Variants in FRYL observed in about 807,000 individuals in gnomAD.
FRYL encodes protein furry homolog-like.
FRYL carries 150 observed loss-of-function variants against 351.2 expected under a neutral mutation model. The observed-to-expected ratio is 0.43, with a 90% CI of 0.37 to 0.49. The LOEUF (loss-of-function observed/expected upper bound fraction) is 0.49. FRYL is among the 20% of genes least tolerant of loss of function. FRYL has a pLI of 0.00. For synonymous variants in FRYL, 1,153 were observed against 1,257.1 expected (o/e 0.92, Z 1.75); for missense variants, 3,036 against 3,619.3 (o/e 0.84, Z 4.13).
intron 63 of FRYL, 121 bp downstream of exon 63, chr4:48,499,909 A>C: frequency 1.2e-6 from 1 of 814,646 alleles, no homozygotes; most frequent in Non-Finnish European, 1.9e-6. Flanking sequence ...TGTTAAAAAT[A>C]CTCATGTTTT....
chr4:48,691,218 T>C (rs1327063802), intron 2 of FRYL, among the ~76,000 whole-genome samples: 1 of 152,204 alleles, frequency 6.6e-6, no homozygotes, highest in Non-Finnish European at 1.5e-5. Context: ...GTAACTCCAT[T>C]TCTAAGAGCT....
At chr4:48,734,406 T>C (rs1462538495) in intron 1 of FRYL, among the ~76,000 whole-genome samples, 4 of 152,178 alleles carry the variant, frequency 2.6e-5, no homozygotes, top group South Asian at 4.1e-4. Context: ...TCAAAATGTG[T>C]GAGTGAAAAA....
At position 48,561,600 on chromosome 4, in the gene FRYL, A is replaced by G; in HGVS notation, c.3733T>C (p.Leu1245=). 2 of 1,611,548 alleles carry G rather than the reference A, an allele frequency of 1.2e-6. No individual in the cohort carries two copies. Among genetic ancestry groups the G allele is most frequent in the Non-Finnish European group, 1.7e-6 (2 of 1,178,416 alleles). ...ACTCCATCTGTTCTCTGAACCTCCA[A>G]TTTGTGAGCATAGCGAAACATCTTC... ...EPKMFRYAHK[L]EVQRTDGVLS... The change falls in exon 33 of 64, where the codon TTG becomes CTG. Residue 1245 remains leucine (L), a synonymous_variant. Transcript: ENST00000358350.
At chr4:48,674,349 TAC>T in intron 3 of FRYL, among the ~76,000 whole-genome samples, 1 of 152,212 alleles carries the variant, frequency 6.6e-6, no homozygotes, top group Non-Finnish European at 1.5e-5. Flanking sequence ...ATTAGGACTC[TAC>T]ACACACACAT....
chr4:48,514,733 A>G (rs556638630), intron 56 of FRYL, among the ~76,000 whole-genome samples: 1 of 152,256 alleles, frequency 6.6e-6, no homozygotes, highest in Non-Finnish European at 1.5e-5. Context: ...ATCTGCCAAA[A>G]TAGATATTTG....
chr4:48,635,217 T>A (rs892437731), intron 3 of FRYL, among the ~76,000 whole-genome samples: 1 of 152,166 alleles, frequency 6.6e-6, no homozygotes. Flanking sequence ...GCAATTAAAA[T>A]TCAGTGGAAA....
intron 7 of FRYL, among the ~76,000 whole-genome samples, chr4:48,613,792 C>G (rs759964649): frequency 1.3e-4 from 20 of 151,968 alleles, no homozygotes; most frequent in Non-Finnish European, 2.8e-4. Flanking sequence ...CTCGTCTCTA[C>G]TAAAAATATA....
At chr4:48,676,418 C>G (rs1174863728) in intron 3 of FRYL, among the ~76,000 whole-genome samples, 1 of 152,210 alleles carries the variant, frequency 6.6e-6, no homozygotes, top group African/African-American at 2.4e-5. Context: ...AGAGCTGTAA[C>G]ACTCACCGCG....
In FRYL at chr4:48,710,891, A is replaced by G. The variant is rs6854313; in HGVS notation, c.-383-193T>C. ...AACATACCCACACAAAAATATGTAT[A>G]CAAATGTTCATAGCAGCATTATTTG... On this transcript the variant is annotated intron_variant, in intron 1 of 63. Transcript: ENST00000358350. Among the ~76,000 whole-genome samples the G allele has an allele frequency of 2.8e-3, 429 of 152,354 alleles. 1 individual carries two copies. Among genetic ancestry groups the G allele is most frequent in the African/African-American group, 9.9e-3 (410 of 41,572 alleles).
At chr4:48,502,540 C>T (rs998419806) in intron 61 of FRYL, among the ~76,000 whole-genome samples, 3 of 118,236 alleles carry the variant, frequency 2.5e-5, no homozygotes, top group Admixed American at 1.6e-4. Flanking sequence ...AGCAAGACTC[C>T]ATCTCAAAAA....
Position 48,714,786 on chromosome 4 carries a change from T to A in FRYL, c.-383-4088A>T, listed in dbSNP as rs1768554238. Among the ~76,000 whole-genome samples, 4 of 150,888 alleles carry A rather than the reference T, an allele frequency of 2.7e-5. No individual in the cohort carries two copies. In the South Asian group the frequency reaches 6.4e-4, roughly 24 times the overall value. ...AACTCATTTTATGAGACCAGCATCA[T>A]CCTGATACCAAAGCCGGGCAGAGAC... On this transcript the variant is annotated intron_variant, in intron 1 of 63. Transcript: ENST00000358350.
In FRYL at chr4:48,595,921, C is replaced by T. The variant is rs776091232; in HGVS notation, c.1115G>A (p.Cys372Tyr). ...CCTTTGAGTTACAGTGTTGCTTTCA[C>T]ATTTTATTCTAATTACATAAACCCA... Reference protein sequence around the residue: ...LLWVYVIRIKCESNTVTQSRL... With the variant: ...LLWVYVIRIKYESNTVTQSRL... Residue 372 changes from cysteine (C) to tyrosine (Y), a missense_variant, in exon 14 of 64, where the codon TGT (cysteine) becomes TAT (tyrosine). Cys to Tyr is a radical substitution (Grantham distance 194, BLOSUM62 -2). Transcript: ENST00000358350. 6.3e-7 allele frequency: 1 copy of T among 1,598,134 alleles called. No individual in the cohort carries two copies. The highest frequency in any genetic ancestry group is 1.1e-5 in the South Asian group (1 of 87,806).
At chr4:48,619,893 C>G (rs1368511249) in intron 6 of FRYL, among the ~76,000 whole-genome samples, 1 of 152,178 alleles carries the variant, frequency 6.6e-6, no homozygotes, top group Non-Finnish European at 1.5e-5. Flanking sequence ...ACTATTATAT[C>G]TGTTAGCATT....
intron 1 of FRYL, among the ~76,000 whole-genome samples, chr4:48,736,391 A>T (rs1180331807): frequency 6.6e-6 from 1 of 152,140 alleles, no homozygotes; most frequent in Non-Finnish European, 1.5e-5. Context: ...GAAAACAGGA[A>T]ATAGAGAAAA....
At chr4:48,650,887 T>C (rs1015078554) in intron 3 of FRYL, among the ~76,000 whole-genome samples, 5 of 151,944 alleles carry the variant, frequency 3.3e-5, no homozygotes, top group African/African-American at 1.2e-4. Context: ...GAAATTTGAG[T>C]AGGCAGAATG....
intron 3 of FRYL, 114 bp from the exon 4 acceptor site, chr4:48,634,604 T>C: frequency 3.1e-6 from 2 of 653,764 alleles, no homozygotes; most frequent in Non-Finnish European, 5.1e-6. Context: ...GTTCTCCCAA[T>C]CTCCTCTACC....
At chr4:48,518,643 A>ACTGGCC (rs1389175526) in intron 55 of FRYL, among the ~76,000 whole-genome samples, 3 of 152,088 alleles carry the variant, frequency 2.0e-5, no homozygotes, top group African/African-American at 7.2e-5. Context: ...TTCCAGCCTT[A>ACTGGCC]CTGGCCAGTT....
Position 48,634,439 on chromosome 4 carries a change from T to C in FRYL, c.-29A>G, listed in dbSNP as rs1753833848. Reference sequence around the variant, plus strand: ...GATATTTTTTTTTCCCCAAGTGGAATGAAAGTTGGAAGAAGCACAGTATTT... The same window carrying C: ...GATATTTTTTTTTCCCCAAGTGGAACGAAAGTTGGAAGAAGCACAGTATTT... On this transcript the variant is annotated 5_prime_UTR_variant, in exon 4 of 64. Coordinates refer to ENST00000358350, the MANE Select transcript of FRYL (RefSeq NM_015030.2). 1.2e-6 allele frequency: 2 copies of C among 1,612,718 alleles called. No homozygotes were observed. The highest frequency in any genetic ancestry group is 8.5e-7 in the Non-Finnish European group (1 of 1,179,152).
chr4:48,634,126 G>A (rs1303997607), intron 4 of FRYL, among the ~76,000 whole-genome samples, 165 bp downstream of exon 4: 1 of 152,052 alleles, frequency 6.6e-6, no homozygotes, highest in Non-Finnish European at 1.5e-5. Context: ...TTTGCGACCT[G>A]CAGCAACTTA....
Sources: gnomAD v4.1 joint callset for allele counts (sites outside exome capture counted in the v4.1 genomes callset) on GRCh38, gnomAD v4.1.1 for gene constraint, MANE v1.5 for transcripts, NCBI Gene and HGNC (gene_info 2026-07-23, HGNC 2026-07-21) for gene names.